Variants in BEND2 observed in about 807,000 individuals in gnomAD.
The protein encoded by BEND2 is BEN domain-containing protein 2.
Under a neutral mutation model 43.8 loss-of-function variants are expected in BEND2, and 19 were observed. The observed-to-expected ratio is 0.43, with a 90% confidence interval of 0.30 to 0.64. BEND2 has a LOEUF of 0.64. BEND2 is among the 30% of genes least tolerant of loss of function. The probability of loss-of-function intolerance (pLI) is 0.11; values close to 1 mark genes in which losing one functional copy is unlikely to be tolerated. For synonymous variants in BEND2, 226 were observed against 210.1 expected (o/e 1.08, Z -0.66); for missense variants, 544 against 574.0 (o/e 0.95, Z 0.53).
intron 6 of BEND2, among the ~76,000 whole-genome samples, chrX:18,198,748 C>A (rs1331227519): frequency 1.0e-4 from 11 of 110,364 alleles, no homozygotes; most frequent in Admixed American, 8.7e-4. Context: ...AAGACACATG[C>A]ACACTTATGT....
intron 10 of BEND2, among the ~76,000 whole-genome samples, chrX:18,176,368 C>CAAAAAA (rs57898259): frequency 1.7e-5 from 1 of 58,295 alleles, no homozygotes; most frequent in African/African-American, 7.0e-5. Context: ...TCTTGGTGCT[C>CAAAAAA]AAAAAAAAAA....
At chrX:18,175,894 C>T in intron 11 of BEND2, 78 bp downstream of exon 11, 1 of 940,920 alleles carries the variant, frequency 1.1e-6, no homozygotes, top group East Asian at 3.6e-5. Context: ...GAGACTGTGC[C>T]TCATGCTATC....
rs779893802 is a variant in BEND2, at chrX:18,220,713, G to A, written c.25+13C>T. ...CCCAAGCTAGCGGGCCAGTTGAGGC[G>A]AGGTCACTTTACCCTGTTCCTGGGT... On this transcript the variant is annotated intron_variant, in intron 1 of 13. Transcript: ENST00000380033. 3.3e-6 allele frequency: 4 copies of A among 1,209,244 alleles called. No homozygotes were observed. Among genetic ancestry groups the A allele is most frequent in the African/African-American group, 3.5e-5 (2 of 57,276 alleles).
intron 6 of BEND2, among the ~76,000 whole-genome samples, chrX:18,200,704 G>A (rs987513032): frequency 3.6e-5 from 4 of 110,969 alleles, no homozygotes; most frequent in African/African-American, 1.3e-4. Flanking sequence ...AGGTGTTAGG[G>A]ATGGGGCAGG....
rs1699471094 is a variant in BEND2 at position 18,220,798 on chromosome X, G to A, written c.-48C>T. ...CTGAGGCCCGAGACCTGAGGCCCGA[G>A]ACCTGAGGCCTACGTCTGCGCCGCG... On this transcript the variant is annotated 5_prime_UTR_variant, in exon 1 of 14. Coordinates refer to ENST00000380033, the MANE Select transcript of BEND2 (RefSeq NM_153346.5). 1 of 1,164,963 alleles carries A rather than the reference G, an allele frequency of 8.6e-7. No homozygotes were observed. The highest frequency in any genetic ancestry group is 1.2e-6 in the Non-Finnish European group (1 of 860,222).
intron 8 of BEND2, among the ~76,000 whole-genome samples, chrX:18,185,656 A>G (rs1924545628): frequency 9.1e-6 from 1 of 109,706 alleles, no homozygotes; most frequent in African/African-American, 3.3e-5. Flanking sequence ...CCCAAAGAAG[A>G]CTACCTCAAG....
At chrX:18,184,569 TTCAAGAGCCAC>T (rs779204395) in intron 8 of BEND2, among the ~76,000 whole-genome samples, 72 of 112,063 alleles carry the variant, frequency 6.4e-4, no homozygotes, top group Admixed American at 1.3e-3. Context: ...TCTACAAGTC[TTCAAGAGCCAC>T]TGCATTACTG....
chrX:18,185,802 A>G (rs1602036232), intron 8 of BEND2, among the ~76,000 whole-genome samples: 1 of 110,525 alleles, frequency 9.0e-6, no homozygotes, highest in South Asian at 3.9e-4. Context: ...CTTGCAGGCC[A>G]GGAGAGAGTT....
chrX:18,202,562 G>A (rs1925201530), intron 5 of BEND2, among the ~76,000 whole-genome samples: 1 of 111,685 alleles, frequency 9.0e-6, no homozygotes, highest in African/African-American at 3.3e-5. Flanking sequence ...CTCTTGCAGA[G>A]GATGCAGCCC....
intron 13 of BEND2, among the ~76,000 whole-genome samples, chrX:18,167,478 G>T (rs1032354111): frequency 9.0e-6 from 1 of 111,542 alleles, no homozygotes; most frequent in Admixed American, 9.6e-5. Context: ...AATGGTAACA[G>T]CCTGAATACT....
At chrX:18,210,549 C>T (rs751909699) in intron 4 of BEND2, among the ~76,000 whole-genome samples, 7 of 112,115 alleles carry the variant, frequency 6.2e-5, no homozygotes, top group African/African-American at 2.3e-4. Flanking sequence ...TTTCATCAAG[C>T]TTAACCATTT....
At chrX:18,190,766 T>TCACACACACA (rs1300015009) in intron 8 of BEND2, among the ~76,000 whole-genome samples, 110 of 93,003 alleles carry the variant, frequency 1.2e-3, no homozygotes, top group South Asian at 2.2e-3. Flanking sequence ...TCTCTCTCTC[T>TCACACACACA]CACACACACA....
chrX:18,180,353 G>A (rs762033561), intron 9 of BEND2, among the ~76,000 whole-genome samples, 157 bp downstream of exon 9: 4 of 112,585 alleles, frequency 3.6e-5, no homozygotes, highest in African/African-American at 9.7e-5. Context: ...TGCCTTGCAC[G>A]TAATATGCAC....
chrX:18,176,427 C>G (rs1439203230), intron 10 of BEND2, among the ~76,000 whole-genome samples: 2 of 108,121 alleles, frequency 1.8e-5, no homozygotes, highest in African/African-American at 3.4e-5. Flanking sequence ...GTCTGTAACC[C>G]CAGTGTTTTG....
At chrX:18,214,730 G>A (rs1298646989) in intron 2 of BEND2, among the ~76,000 whole-genome samples, 1 of 96,909 alleles carries the variant, frequency 1.0e-5, no homozygotes, top group Non-Finnish European at 2.0e-5. Context: ...AGAGTCACTT[G>A]AGCCCGGGAG....
At chrX:18,200,025 T>C (rs988841115) in intron 6 of BEND2, among the ~76,000 whole-genome samples, 2 of 111,449 alleles carry the variant, frequency 1.8e-5, no homozygotes, top group African/African-American at 6.5e-5. Context: ...GCAATTACAC[T>C]CTTGGCATTC....
At chrX:18,170,920 C>G in intron 13 of BEND2, 81 bp downstream of exon 13, 1 of 1,198,972 alleles carries the variant, frequency 8.3e-7, no homozygotes, top group Non-Finnish European at 1.1e-6. Context: ...ACAAACACAA[C>G]CTGAATGGAT....
intron 4 of BEND2, among the ~76,000 whole-genome samples, chrX:18,211,816 G>A (rs1360027594): frequency 9.1e-6 from 1 of 109,515 alleles, no homozygotes; most frequent in Admixed American, 9.9e-5. Context: ...CAAATTATGA[G>A]TATTCATATG....
intron 8 of BEND2, 31 bp downstream of exon 8, chrX:18,190,970 C>A (rs1468458867): frequency 2.7e-6 from 3 of 1,107,982 alleles, no homozygotes; most frequent in Non-Finnish European, 3.7e-6. Context: ...TTAAAGAGTG[C>A]TACTTGTAAC....
Sources: allele counts gnomAD v4.1 joint callset (sites outside exome capture counted in the v4.1 genomes callset), GRCh38; gene constraint gnomAD v4.1.1; transcripts MANE v1.5; gene names NCBI Gene and HGNC (gene_info 2026-07-23, HGNC 2026-07-21).